The following ELAVL3 variants were observed in gnomAD, a reference collection of about 807,000 sequenced individuals.
The protein encoded by ELAVL3 is ELAV like RNA binding protein 3.
Under a neutral mutation model 34.2 loss-of-function variants are expected in ELAVL3, and 8 were observed. The ratio of observed to expected loss-of-function variants is 0.23; its 90% confidence interval spans 0.14 to 0.42. The LOEUF is 0.42. ELAVL3 is among the 10% of genes least tolerant of loss of function. The pLI, the probability that ELAVL3 is intolerant of heterozygous loss-of-function variation, is 1.00. For missense variants in ELAVL3, 273 were observed against 518.8 expected, an observed-to-expected ratio of 0.53 and a Z score of 4.60; for synonymous variants, 209 against 222.1, an observed-to-expected ratio of 0.94 and a Z score of 0.53.
intron 3 of ELAVL3, among the ~76,000 whole-genome samples, chr19:11,459,488 C>T (rs1005903121): frequency 6.6e-5 from 10 of 151,400 alleles, no homozygotes; most frequent in African/African-American, 2.2e-4. Flanking sequence ...AGGCTGGTCT[C>T]GAGCTCCTGA....
chr19:11,467,722 A>G (rs1409668258), intron 1 of ELAVL3, among the ~76,000 whole-genome samples: 1 of 151,630 alleles, frequency 6.6e-6, no homozygotes, highest in African/African-American at 2.4e-5. Context: ...GACCTCAGGT[A>G]ATCCACCCAC....
Position 11,454,975 on chromosome 19 carries a change from C to T in ELAVL3, c.753-98G>A, listed in dbSNP as rs951723227. 6 of 1,361,728 alleles carry T rather than the reference C, an allele frequency of 4.4e-6. No individual in the cohort carries two copies. Among genetic ancestry groups the T allele is most frequent in the Non-Finnish European group, 6.0e-6 (6 of 1,005,442 alleles). 84.4% of individuals were successfully genotyped at this position (1,361,728 alleles called of 1,614,324 possible). On this transcript the variant is annotated intron_variant, in intron 6 of 6. Coordinates refer to ENST00000359227, the MANE Select transcript of ELAVL3 (RefSeq NM_001420.4). The surrounding 1 kb of genome is among the most constrained non-coding windows in gnomAD (Gnocchi z 9.2). ...TTTATGACCCCTGACTGTGCCATGA[C>T]CTTGGAATGGTGTGACCCCTGCAAT...
At chr19:11,457,632 A>G (rs1230255104) in intron 5 of ELAVL3, among the ~76,000 whole-genome samples, 1 of 152,206 alleles carries the variant, frequency 6.6e-6, no homozygotes, top group Non-Finnish European at 1.5e-5. Flanking sequence ...GCAAACCCCA[A>G]CACCTCTCTG....
At chr19:11,479,819 G>C (rs1362071645) in intron 1 of ELAVL3, among the ~76,000 whole-genome samples, 1 of 151,666 alleles carries the variant, frequency 6.6e-6, no homozygotes, top group Non-Finnish European at 1.5e-5. Context: ...GTCACCTCGC[G>C]GCCCAGAGCC....
chr19:11,467,586 C>T (rs1226186012), intron 1 of ELAVL3, among the ~76,000 whole-genome samples: 4 of 150,660 alleles, frequency 2.7e-5, no homozygotes, highest in South Asian at 2.1e-4. Flanking sequence ...TGGGTTCAAG[C>T]GATTCTCCTG....
At position 11,454,222 on chromosome 19, in the gene ELAVL3, T is replaced by G; in HGVS notation, c.*304A>C. The G allele has an allele frequency of 3.0e-6, 1 of 331,328 alleles. No homozygotes were observed. Among genetic ancestry groups the G allele is most frequent in the Non-Finnish European group, 5.6e-6 (1 of 178,858 alleles). The allele number at this position is 331,328 out of a possible 1,614,324, so 20.5% of individuals were successfully genotyped here. On this transcript the variant is annotated 3_prime_UTR_variant, in exon 7 of 7. Coordinates refer to ENST00000359227, the MANE Select transcript of ELAVL3 (RefSeq NM_001420.4). The surrounding 1 kb of genome is among the most constrained non-coding windows in gnomAD (Gnocchi z 9.2). ...GGTGGGGGCACATCTCTGCATTCTT[T>G]TTAGCCGAAAAAAGAAACAAAAACC...
intron 1 of ELAVL3, among the ~76,000 whole-genome samples, chr19:11,477,380 C>T (rs949426544): frequency 6.6e-6 from 1 of 152,080 alleles, no homozygotes; most frequent in African/African-American, 2.4e-5. Context: ...AAGCCTTAAC[C>T]TCCTTCTGCC....
At chr19:11,457,196 C>G (rs566580434) in intron 5 of ELAVL3, 48 bp from the exon 6 acceptor site, 8 of 1,528,916 alleles carry the variant, frequency 5.2e-6, no homozygotes, top group Admixed American at 2.1e-5. Flanking sequence ...GTCACGCCCC[C>G]CTGCTGTGAC....
At chr19:11,464,250 G>A (rs1248268965) in intron 3 of ELAVL3, among the ~76,000 whole-genome samples, 3 of 139,838 alleles carry the variant, frequency 2.1e-5, no homozygotes, top group East Asian at 2.2e-4. Flanking sequence ...TAGCCTCGCC[G>A]CCTCAGCTTA....
chr19:11,474,719 G>C (rs559380032), intron 1 of ELAVL3, among the ~76,000 whole-genome samples: 25 of 152,112 alleles, frequency 1.6e-4, no homozygotes, highest in Non-Finnish European at 3.1e-4. Context: ...AGGTGCAATC[G>C]TAGTGCACTG....
intron 3 of ELAVL3, among the ~76,000 whole-genome samples, chr19:11,461,478 CCCTT>C (rs894503909): frequency 0.013 from 1,484 of 110,854 alleles, 27 homozygotes; most frequent in African/African-American, 0.067. Flanking sequence ...CTCCCTCCCT[CCCTT>C]CCTTCCTTCC....
Position 11,463,680 on chromosome 19 carries a change from C to T in ELAVL3, c.333+2492G>A, listed in dbSNP as rs115948964. Reference sequence around the variant, plus strand: ...ACATGCACCTGTCAAATAATAAGCACGTCATCCTGGGCCGGGTGCGGTGGC... The same window carrying T: ...ACATGCACCTGTCAAATAATAAGCATGTCATCCTGGGCCGGGTGCGGTGGC... On this transcript the variant is annotated intron_variant, in intron 3 of 6. Coordinates refer to ENST00000359227, the MANE Select transcript of ELAVL3 (RefSeq NM_001420.4). Among the ~76,000 whole-genome samples, 1,137 of 152,140 alleles carry T rather than the reference C, an allele frequency of 7.5e-3. 17 individuals carry two copies. Among genetic ancestry groups the T allele is most frequent in the African/African-American group, 0.026 (1,072 of 41,490 alleles).
At chr19:11,457,044 TG>T in intron 6 of ELAVL3, 65 bp downstream of exon 6, 1 of 1,098,606 alleles carries the variant, frequency 9.1e-7, no homozygotes, top group Admixed American at 7.5e-5. Flanking sequence ...GGGGGTGAGC[TG>T]GGGAGGGGTG....
At position 11,464,546 on chromosome 19, in the gene ELAVL3, C is replaced by G. The variant is rs115446205; in HGVS notation, c.333+1626G>C. ...TCACGGGACACCTGGATCATAAACA[C>G]TGTATCTCACAACTCAAGATGACAC... is the stretch of plus-strand genomic sequence containing the variant. On this transcript the variant is annotated intron_variant, in intron 3 of 6. Coordinates refer to ENST00000359227, the MANE Select transcript of ELAVL3 (RefSeq NM_001420.4). Among the ~76,000 whole-genome samples, 426 of 149,986 alleles carry G rather than the reference C, an allele frequency of 2.8e-3. 2 individuals carry two copies. The highest frequency in any genetic ancestry group is 9.8e-3 in the African/African-American group (399 of 40,712).
chr19:11,462,511 C>T (rs1262356021), intron 3 of ELAVL3, among the ~76,000 whole-genome samples: 1 of 151,766 alleles, frequency 6.6e-6, no homozygotes, highest in Non-Finnish European at 1.5e-5. Flanking sequence ...GTGGCGGGCG[C>T]CTGTAATCCC....
At chr19:11,464,348 G>C (rs62131155) in intron 3 of ELAVL3, among the ~76,000 whole-genome samples, 1 of 150,488 alleles carries the variant, frequency 6.6e-6, no homozygotes, top group Non-Finnish European at 1.5e-5. Context: ...TTTTTTTTAG[G>C]AACAGGGTTT....
At chr19:11,474,278 C>T (rs577630659) in intron 1 of ELAVL3, among the ~76,000 whole-genome samples, 115 of 152,096 alleles carry the variant, frequency 7.6e-4, no homozygotes, top group African/African-American at 2.7e-3. Context: ...AGTGATCCTC[C>T]CACCTTAGTT....
intron 1 of ELAVL3, among the ~76,000 whole-genome samples, chr19:11,470,558 TC>T (rs1453895544): frequency 6.6e-6 from 1 of 150,434 alleles, no homozygotes; most frequent in African/African-American, 2.4e-5. Flanking sequence ...ATGTCTGTAA[TC>T]CCAGCTACTC....
chr19:11,464,167 A>ATATATATATATTT, intron 3 of ELAVL3, among the ~76,000 whole-genome samples: 1 of 103,844 alleles, frequency 9.6e-6, no homozygotes, highest in South Asian at 3.1e-4. Context: ...ATATATATAT[A>ATATATATATATTT]TTTTTTTTTT....
Sources: allele counts gnomAD v4.1 joint callset (sites outside exome capture counted in the v4.1 genomes callset), GRCh38; gene constraint gnomAD v4.1.1; non-coding constraint Gnocchi (gnomAD v3.1); transcripts MANE v1.5; gene names NCBI Gene and HGNC (gene_info 2026-07-23, HGNC 2026-07-21).